Variants in ITPR2 observed in about 807,000 individuals in gnomAD.
ITPR2 encodes the protein inositol 1,4,5-trisphosphate-gated calcium channel ITPR2.
Under a neutral mutation model 317.1 loss-of-function variants are expected in ITPR2, and 207 were observed. The ratio of observed to expected loss-of-function variants is 0.65; its 90% CI spans 0.58 to 0.73. The LOEUF (loss-of-function observed/expected upper bound fraction) is 0.73, where lower values mean the gene tolerates loss of function less well. ITPR2 is among the 30% of genes least tolerant of loss of function. The probability of loss-of-function intolerance (pLI) is 0.00; values close to 1 mark genes in which losing one functional copy is unlikely to be tolerated. For synonymous variants in ITPR2, 1,156 were observed against 1,149.1 expected, an observed-to-expected ratio of 1.01 and a Z score of -0.12; for missense variants, 2,613 against 3,284.0, an observed-to-expected ratio of 0.80 and a Z score of 4.99.
At chr12:26,492,047 A>G (rs970675005) in intron 39 of ITPR2, among the ~76,000 whole-genome samples, 2 of 152,238 alleles carry the variant, frequency 1.3e-5, no homozygotes, top group African/African-American at 4.8e-5. Context: ...GAGAGTCCAA[A>G]GAAACTTGGG....
intron 9 of ITPR2, among the ~76,000 whole-genome samples, chr12:26,706,134 T>C (rs1948545752): frequency 6.6e-6 from 1 of 152,224 alleles, no homozygotes; most frequent in South Asian, 2.1e-4. Context: ...TTTGGAAATG[T>C]GCATTATTTC....
At position 26,475,288 on chromosome 12, in the gene ITPR2, TG is replaced by T; in HGVS notation, c.6342+7del. 5.6e-6 allele frequency: 9 copies of T among 1,613,468 alleles called. No homozygotes were observed. Among genetic ancestry groups the T allele is most frequent in the Non-Finnish European group, 7.6e-6 (9 of 1,179,808 alleles). On this transcript the variant is annotated splice_region_variant and intron_variant, in intron 45 of 56. Coordinates refer to ENST00000381340, the MANE Select transcript of ITPR2 (RefSeq NM_002223.4). ...AGCAAAATAATGTAAAGATATAAAA[TG>T]TGACACCTGATGGGCCAGAATATAG...
intron 2 of ITPR2, among the ~76,000 whole-genome samples, chr12:26,787,231 A>T (rs532629041): frequency 6.6e-6 from 1 of 152,368 alleles, no homozygotes; most frequent in Non-Finnish European, 1.5e-5. Flanking sequence ...CTTTAAGATA[A>T]GACAGAACCC....
chr12:26,606,869 G>C (rs922998703), intron 26 of ITPR2, among the ~76,000 whole-genome samples: 4 of 152,178 alleles, frequency 2.6e-5, no homozygotes, highest in Non-Finnish European at 5.9e-5. Flanking sequence ...CCAAGAGTTT[G>C]AGGCTGTAGT....
intron 19 of ITPR2, 53 bp downstream of exon 19, chr12:26,656,244 C>T (rs2880877): frequency 0.36 from 574,044 of 1,591,572 alleles, 107,999 homozygotes; most frequent in East Asian, 0.61. Flanking sequence ...AGACATTTGA[C>T]GTGGAGTTCA....
intron 37 of ITPR2, among the ~76,000 whole-genome samples, chr12:26,537,193 C>T (rs1048260291): frequency 6.6e-6 from 1 of 152,126 alleles, no homozygotes; most frequent in African/African-American, 2.4e-5. Flanking sequence ...TTGGTCTGTA[C>T]ATTTTGTGCA....
intron 2 of ITPR2, among the ~76,000 whole-genome samples, chr12:26,735,382 G>C (rs1949103561): frequency 1.3e-5 from 2 of 152,070 alleles, no homozygotes; most frequent in South Asian, 4.1e-4. Flanking sequence ...AACAGGAAGA[G>C]AAAGGGAAAG....
At chr12:26,490,987 A>C (rs1037560162) in intron 39 of ITPR2, among the ~76,000 whole-genome samples, 3 of 152,240 alleles carry the variant, frequency 2.0e-5, no homozygotes, top group Non-Finnish European at 4.4e-5. Flanking sequence ...CAGCATGAGA[A>C]ATAACACAAC....
At chr12:26,546,038 A>AT (rs1259957779) in intron 37 of ITPR2, among the ~76,000 whole-genome samples, 1 of 152,214 alleles carries the variant, frequency 6.6e-6, no homozygotes, top group Non-Finnish European at 1.5e-5. Context: ...TTTAGCTATA[A>AT]TTTTTTATTC....
chr12:26,509,149 A>G (rs1275416999), intron 37 of ITPR2, among the ~76,000 whole-genome samples: 3 of 152,230 alleles, frequency 2.0e-5, no homozygotes, highest in African/African-American at 7.2e-5. Context: ...AAGACCACAT[A>G]TTGTATGATT....
chr12:26,753,398 G>C (rs1276824911), intron 2 of ITPR2, among the ~76,000 whole-genome samples: 2 of 152,164 alleles, frequency 1.3e-5, no homozygotes, highest in Non-Finnish European at 2.9e-5. Context: ...AGGATCGTGG[G>C]ACATGGGGAG....
chr12:26,713,524 T>G (rs2137027297), intron 8 of ITPR2, among the ~76,000 whole-genome samples: 1 of 152,324 alleles, frequency 6.6e-6, no homozygotes, highest in East Asian at 1.9e-4. Flanking sequence ...ATTAAACAAT[T>G]TATTCGCTCC....
intron 2 of ITPR2, among the ~76,000 whole-genome samples, chr12:26,739,758 A>G (rs1949199555): frequency 6.6e-6 from 1 of 152,210 alleles, no homozygotes; most frequent in Non-Finnish European, 1.5e-5. Flanking sequence ...ATTAAGCTGA[A>G]TATTTAAAAG....
At chr12:26,764,719 A>G (rs1949690622) in intron 2 of ITPR2, among the ~76,000 whole-genome samples, 1 of 151,794 alleles carries the variant, frequency 6.6e-6, no homozygotes, top group South Asian at 2.1e-4. Flanking sequence ...AACAACAACA[A>G]AAAAACTGTA....
chr12:26,608,067 G>C (rs1946177006), intron 26 of ITPR2, among the ~76,000 whole-genome samples: 1 of 152,132 alleles, frequency 6.6e-6, no homozygotes, highest in Non-Finnish European at 1.5e-5. Context: ...CTTGCAGTGA[G>C]CCGAGATCGT....
At chr12:26,571,285 C>A (rs1300211447) in intron 34 of ITPR2, among the ~76,000 whole-genome samples, 2 of 152,074 alleles carry the variant, frequency 1.3e-5, no homozygotes, top group African/African-American at 4.8e-5. Context: ...CAGAAAAATT[C>A]GACATGACAT....
chr12:26,506,517 T>C (rs1943188522), intron 37 of ITPR2, among the ~76,000 whole-genome samples: 1 of 68,234 alleles, frequency 1.5e-5, no homozygotes, highest in African/African-American at 5.6e-5. Context: ...AGGAATCCTG[T>C]CTCAAAAAAA....
At chr12:26,612,197 A>AG (rs1946283105) in intron 26 of ITPR2, among the ~76,000 whole-genome samples, 1 of 152,090 alleles carries the variant, frequency 6.6e-6, no homozygotes, top group Non-Finnish European at 1.5e-5. Context: ...TTTACCACTG[A>AG]GGGAAAAAAC....
intron 2 of ITPR2, among the ~76,000 whole-genome samples, chr12:26,762,343 G>A (rs1433105573): frequency 6.6e-6 from 1 of 152,110 alleles, no homozygotes; most frequent in Non-Finnish European, 1.5e-5. Flanking sequence ...CAACAGAGAA[G>A]CAACTCATCA....
Sources: allele counts gnomAD v4.1 joint callset (sites outside exome capture counted in the v4.1 genomes callset), GRCh38; gene constraint gnomAD v4.1.1; transcripts MANE v1.5; gene names NCBI Gene and HGNC (gene_info 2026-07-23, HGNC 2026-07-21).